TBC1D22A: variants seen among roughly 807,000 people sequenced by gnomAD.
TBC1D22A encodes TBC1 domain family member 22A.
In TBC1D22A, 38 loss-of-function variants were observed where a neutral mutation model predicts 60.2. The ratio of observed to expected loss-of-function variants is 0.63; its 90% CI spans 0.49 to 0.83. The LOEUF is 0.83. Among genes scored for constraint, TBC1D22A ranks in the 40% least tolerant of loss-of-function variants. TBC1D22A has a pLI of 0.00. For missense variants in TBC1D22A, 628 were observed against 701.0 expected (o/e 0.90, Z 1.18); for synonymous variants, 302 against 281.7 (o/e 1.07, Z -0.72).
chr22:46,916,107 A>G (rs2070352082), intron 8 of TBC1D22A: 1 of 420,908 alleles, frequency 2.4e-6, no homozygotes, highest in Non-Finnish European at 4.2e-6. Context: ...GTTTCCAGTT[A>G]TGATTTCATA....
rs749462594 is a variant in TBC1D22A, at chr22:46,797,604, C to G, written c.621C>G (p.Gly207=). Reference sequence around the variant, plus strand: ...ACAAGTTCAAGCAGCTGCTTGCCGGCCCCAACACGGACCTTGGTAAGCACC... The same window carrying G: ...ACAAGTTCAAGCAGCTGCTTGCCGGGCCCAACACGGACCTTGGTAAGCACC... ...RLDKFKQLLA[G]PNTDLEELRR... is the part of the protein sequence containing the mutation. The change falls in exon 4 of 13, where the codon GGC becomes GGG. Residue 207 remains glycine (G), a synonymous_variant. Coordinates refer to ENST00000337137, the MANE Select transcript of TBC1D22A (RefSeq NM_014346.5). 129 of 1,608,078 alleles carry G rather than the reference C, an allele frequency of 8.0e-5. No individual in the cohort carries two copies. Among genetic ancestry groups the G allele is most frequent in the Non-Finnish European group, 1.1e-4 (126 of 1,176,102 alleles).
chr22:47,063,494 G>A (rs540087510), intron 11 of TBC1D22A, among the ~76,000 whole-genome samples: 2 of 152,282 alleles, frequency 1.3e-5, no homozygotes, highest in Non-Finnish European at 2.9e-5. Flanking sequence ...ACTGAGCCTG[G>A]CCATTGTGGT....
At chr22:46,927,839 A>T (rs1284309714) in intron 8 of TBC1D22A, among the ~76,000 whole-genome samples, 1 of 152,254 alleles carries the variant, frequency 6.6e-6, no homozygotes, top group Non-Finnish European at 1.5e-5. Flanking sequence ...ATCAGAATGA[A>T]TAAGATACTT....
chr22:46,926,010 A>C (rs1283674237), intron 8 of TBC1D22A, among the ~76,000 whole-genome samples: 2 of 152,250 alleles, frequency 1.3e-5, no homozygotes, highest in African/African-American at 4.8e-5. Flanking sequence ...CAGTAACAGA[A>C]GGAAATTTGA....
intron 5 of TBC1D22A, among the ~76,000 whole-genome samples, chr22:46,889,700 G>T (rs1299319176): frequency 6.6e-6 from 1 of 152,214 alleles, no homozygotes; most frequent in Non-Finnish European, 1.5e-5. Context: ...GATCCGTCTG[G>T]GAAGGTGCTG....
rs529541383 is a variant in TBC1D22A at position 46,810,407 on chromosome 22, A to G, written c.637+12787A>G. ...CCCCATTCTTTTAAAAATACAAATG[A>G]AAACGTAATAGTGTTACGTGCCCCT... On this transcript the variant is annotated intron_variant, in intron 4 of 12. Coordinates refer to ENST00000337137, the MANE Select transcript of TBC1D22A (RefSeq NM_014346.5). Among the ~76,000 whole-genome samples, 323 of 151,980 alleles carry G rather than the reference A, an allele frequency of 2.1e-3. 1 individual carries two copies. The highest frequency in any genetic ancestry group is 2.2e-3 in the Non-Finnish European group (152 of 67,984).
intron 9 of TBC1D22A, among the ~76,000 whole-genome samples, chr22:46,978,540 G>T (rs2074393211): frequency 6.6e-6 from 1 of 152,076 alleles, no homozygotes; most frequent in Admixed American, 6.5e-5. Context: ...GGTATTTTTT[G>T]TTTTAGCTGA....
At chr22:47,110,545 G>A (rs2065809385) in intron 11 of TBC1D22A, among the ~76,000 whole-genome samples, 1 of 152,100 alleles carries the variant, frequency 6.6e-6, no homozygotes, top group African/African-American at 2.4e-5. Flanking sequence ...GTCACCTTAG[G>A]CGATTGACCG....
chr22:47,072,826 C>A (rs1417395100), intron 11 of TBC1D22A, among the ~76,000 whole-genome samples: 1 of 152,220 alleles, frequency 6.6e-6, no homozygotes, highest in Non-Finnish European at 1.5e-5. Context: ...CTTGGCCATA[C>A]ATGTCATGGT....
intron 4 of TBC1D22A, among the ~76,000 whole-genome samples, chr22:46,820,403 A>G (rs996200320): frequency 1.3e-5 from 2 of 152,138 alleles, no homozygotes; most frequent in African/African-American, 4.8e-5. Context: ...ACACTGCTCT[A>G]GCTGTGTCCC....
chr22:46,989,938 A>G (rs572900976), intron 9 of TBC1D22A, among the ~76,000 whole-genome samples: 2 of 152,198 alleles, frequency 1.3e-5, no homozygotes, highest in Admixed American at 6.5e-5. Context: ...GAGAAGCTGG[A>G]ACTGTAGGTG....
At chr22:47,003,753 A>G (rs746312785) in intron 10 of TBC1D22A, among the ~76,000 whole-genome samples, 2 of 74,524 alleles carry the variant, frequency 2.7e-5, no homozygotes, top group East Asian at 1.0e-3. Flanking sequence ...GTACACACAC[A>G]CCGTACACAC....
chr22:47,042,650 C>T (rs1048573793), intron 11 of TBC1D22A, among the ~76,000 whole-genome samples: 2 of 152,206 alleles, frequency 1.3e-5, no homozygotes, highest in African/African-American at 4.8e-5. Context: ...AGGTCAGGGC[C>T]AGAGCCTCCA....
intron 8 of TBC1D22A, among the ~76,000 whole-genome samples, chr22:46,928,494 C>T (rs2071173320): frequency 6.6e-6 from 1 of 152,210 alleles, no homozygotes; most frequent in Admixed American, 6.5e-5. Context: ...AGGAAATCTT[C>T]ATGACCTTGG....
At chr22:46,998,146 T>A (rs925643104) in intron 10 of TBC1D22A, among the ~76,000 whole-genome samples, 1 of 152,114 alleles carries the variant, frequency 6.6e-6, no homozygotes, top group African/African-American at 2.4e-5. Context: ...ATAGAAAAAT[T>A]ATAGTATGTG....
chr22:46,951,874 T>G (rs1393970306), intron 8 of TBC1D22A, among the ~76,000 whole-genome samples: 3 of 152,254 alleles, frequency 2.0e-5, no homozygotes, highest in Non-Finnish European at 4.4e-5. Context: ...CACCAGAGGC[T>G]CTGCATGAGG....
At chr22:46,780,036 T>C (rs2083872577) in intron 1 of TBC1D22A, among the ~76,000 whole-genome samples, 1 of 152,258 alleles carries the variant, frequency 6.6e-6, no homozygotes, top group African/African-American at 2.4e-5. Context: ...ACATTTTTCC[T>C]CCAAAGCTCC....
chr22:47,064,306 G>T (rs181013115), intron 11 of TBC1D22A, among the ~76,000 whole-genome samples: 1 of 152,252 alleles, frequency 6.6e-6, no homozygotes, highest in Admixed American at 6.5e-5. Flanking sequence ...CGGTCATGCC[G>T]CTCTAAGCCA....
intron 4 of TBC1D22A, among the ~76,000 whole-genome samples, chr22:46,819,078 G>A (rs1248766453): frequency 1.3e-5 from 2 of 152,168 alleles, no homozygotes; most frequent in African/African-American, 4.8e-5. Flanking sequence ...TTTGCACATT[G>A]GTTTTGTATC....
Sources: gnomAD v4.1 joint callset for allele counts (sites outside exome capture counted in the v4.1 genomes callset) on GRCh38, gnomAD v4.1.1 for gene constraint, MANE v1.5 for transcripts, NCBI Gene and HGNC (gene_info 2026-07-23, HGNC 2026-07-21) for gene names.